Variants in KCNJ6 observed in about 807,000 individuals in gnomAD.
KCNJ6 encodes the protein G protein-activated inward rectifier potassium channel 2.
A neutral mutation model predicts 34.2 loss-of-function variants in KCNJ6; 9 were observed. The ratio of observed to expected loss-of-function variants is 0.26; its 90% confidence interval spans 0.16 to 0.46. The LOEUF is 0.46. Ranked by LOEUF, KCNJ6 falls within the 20% of genes least tolerant of loss-of-function variation. KCNJ6 has a pLI of 1.00. For synonymous variants in KCNJ6, 196 were observed against 207.1 expected (o/e 0.95, Z 0.46); for missense variants, 236 against 531.3 (o/e 0.44, Z 5.46).
intron 2 of KCNJ6, among the ~76,000 whole-genome samples, chr21:37,782,540 C>G (rs2055174513): frequency 6.6e-6 from 1 of 152,184 alleles, no homozygotes; most frequent in Non-Finnish European, 1.5e-5. Context: ...GGCTGGTTCC[C>G]CCGTGTGGCT....
Position 37,618,666 on chromosome 21 carries a change from C to G in KCNJ6, c.*6493G>C, listed in dbSNP as rs1243166260. On this transcript the variant is annotated 3_prime_UTR_variant, in exon 4 of 4. Coordinates refer to ENST00000609713, the MANE Select transcript of KCNJ6 (RefSeq NM_002240.5). ...TACTATGTGGCCACAATTCTCCGGCCAACCACAGTGCATGTTGGGATTTGC... is the reference window on the plus strand; with the variant it reads ...TACTATGTGGCCACAATTCTCCGGCGAACCACAGTGCATGTTGGGATTTGC... The G allele has an allele frequency of 2.0e-5, 3 of 152,140 alleles. No individual in the cohort carries two copies. The highest frequency in any genetic ancestry group is 1.5e-5 in the Non-Finnish European group (1 of 68,014). The allele number at this position is 152,140 out of a possible 1,614,324, so 9.4% of individuals were successfully genotyped here. A position where few individuals can be genotyped will look rare whatever the true frequency, so the allele number is the denominator to read the frequency against.
chr21:37,668,421 C>G (rs200908473), intron 3 of KCNJ6, among the ~76,000 whole-genome samples: 1 of 151,510 alleles, frequency 6.6e-6, no homozygotes, highest in Non-Finnish European at 1.5e-5. Flanking sequence ...AGGGTCACCC[C>G]TCTGTGTGTG....
intron 2 of KCNJ6, among the ~76,000 whole-genome samples, chr21:37,780,629 A>G (rs757163959): frequency 6.6e-6 from 1 of 152,178 alleles, no homozygotes; most frequent in Non-Finnish European, 1.5e-5. Context: ...TTTCTACTCA[A>G]TGTTTCCATA....
intron 3 of KCNJ6, among the ~76,000 whole-genome samples, chr21:37,712,812 C>T (rs907863508): frequency 3.2e-4 from 47 of 149,070 alleles, no homozygotes; most frequent in African/African-American, 1.1e-3. Context: ...TTCCTCCTCC[C>T]CACCCAACTA....
At chr21:37,831,632 G>A (rs2055426430) in intron 2 of KCNJ6, among the ~76,000 whole-genome samples, 1 of 152,208 alleles carries the variant, frequency 6.6e-6, no homozygotes, top group South Asian at 2.1e-4. Flanking sequence ...GAAGTACATG[G>A]CAGAAGCTCT....
intron 2 of KCNJ6, among the ~76,000 whole-genome samples, chr21:37,805,546 G>A (rs922337380): frequency 1.3e-5 from 2 of 151,800 alleles, no homozygotes; most frequent in Non-Finnish European, 2.9e-5. Flanking sequence ...CTGCCTTTCT[G>A]GCCATGAGCC....
intron 3 of KCNJ6, among the ~76,000 whole-genome samples, chr21:37,707,356 C>T (rs2054725555): frequency 6.6e-6 from 1 of 152,146 alleles, no homozygotes; most frequent in Non-Finnish European, 1.5e-5. Context: ...TGTTTTTTGC[C>T]TGTGTGGTCT....
chr21:37,862,748 A>C (rs752209799), intron 1 of KCNJ6, among the ~76,000 whole-genome samples: 2 of 152,226 alleles, frequency 1.3e-5, no homozygotes, highest in Non-Finnish European at 2.9e-5. Flanking sequence ...TTTGTAAAAG[A>C]GTACAATGCC....
At chr21:37,893,192 CTT>C (rs1195366346) in intron 1 of KCNJ6, among the ~76,000 whole-genome samples, 1 of 150,882 alleles carries the variant, frequency 6.6e-6, no homozygotes, top group African/African-American at 2.4e-5. Context: ...CCTGGGTACC[CTT>C]TTGAATGTTC....
chr21:37,879,714 AGTGTGTGTGT>A lies in KCNJ6; in HGVS notation c.-28+36160_-28+36169del, dbSNP rs56736533. Among the ~76,000 whole-genome samples the A allele has an allele frequency of 4.1e-3, 590 of 143,202 alleles. 2 individuals carry two copies. Among genetic ancestry groups the A allele is most frequent in the South Asian group, 0.011 (49 of 4,324 alleles). The allele number at this position is 143,202 out of a possible 152,430, so 93.9% of individuals were successfully genotyped here. ...AAACTCAATGTCTGCCTTGAAATGA[AGTGTGTGTGT>A]GTGTGTGTGTGTGTGTGTGTGTGTG... On this transcript the variant is annotated intron_variant, in intron 1 of 3. Coordinates refer to ENST00000609713, the MANE Select transcript of KCNJ6 (RefSeq NM_002240.5).
At chr21:37,778,096 T>C (rs559982898) in intron 2 of KCNJ6, among the ~76,000 whole-genome samples, 2 of 152,280 alleles carry the variant, frequency 1.3e-5, no homozygotes, top group African/African-American at 4.8e-5. Context: ...GGCATTCTGC[T>C]TTTTTTCCAT....
chr21:37,689,712 T>C (rs896424794), intron 3 of KCNJ6, among the ~76,000 whole-genome samples: 2 of 152,198 alleles, frequency 1.3e-5, no homozygotes, highest in Admixed American at 6.5e-5. Context: ...CATGCCGGGC[T>C]ATGTTTATGT....
chr21:37,881,825 G>C (rs148742075), intron 1 of KCNJ6, among the ~76,000 whole-genome samples: 3 of 152,114 alleles, frequency 2.0e-5, no homozygotes, highest in Admixed American at 2.0e-4. Context: ...AAACCTTGTG[G>C]GGACATGAAC....
At chr21:37,828,011 C>T (rs1203568280) in intron 2 of KCNJ6, among the ~76,000 whole-genome samples, 1 of 152,164 alleles carries the variant, frequency 6.6e-6, no homozygotes, top group East Asian at 1.9e-4. Flanking sequence ...GTTAGATCAG[C>T]TCTGTCTGTC....
intron 3 of KCNJ6, among the ~76,000 whole-genome samples, chr21:37,701,363 G>A (rs1215137243): frequency 1.3e-5 from 2 of 151,802 alleles, no homozygotes; most frequent in African/African-American, 4.8e-5. Flanking sequence ...GAAGGTAGAG[G>A]CTTCAGGTTT....
chr21:37,624,634 T>G lies in KCNJ6; in HGVS notation c.*525A>C, dbSNP rs1172528693. ...AAAATAATTACATAAGGCATATATA[T>G]GTACAGTGGTTTGTCTTCAGCTCAC... On this transcript the variant is annotated 3_prime_UTR_variant, in exon 4 of 4. Transcript: ENST00000609713. 1 of 157,914 alleles carries G rather than the reference T, an allele frequency of 6.3e-6. No individual in the cohort carries two copies. Among genetic ancestry groups the G allele is most frequent in the African/African-American group, 2.4e-5 (1 of 41,472 alleles). 9.8% of individuals were successfully genotyped at this position (157,914 alleles called of 1,614,324 possible).
chr21:37,756,044 G>C (rs1490311975), intron 2 of KCNJ6, among the ~76,000 whole-genome samples: 2 of 152,220 alleles, frequency 1.3e-5, no homozygotes, highest in Admixed American at 1.3e-4. Context: ...GCTCTTCCAG[G>C]TTCTGTGGAT....
At chr21:37,791,229 A>T (rs766636654) in intron 2 of KCNJ6, among the ~76,000 whole-genome samples, 1 of 152,126 alleles carries the variant, frequency 6.6e-6, no homozygotes, top group Non-Finnish European at 1.5e-5. Context: ...TTAACCTTAC[A>T]TTTGGGGGCA....
At chr21:37,845,467 A>G (rs1382835298) in intron 1 of KCNJ6, among the ~76,000 whole-genome samples, 1 of 152,004 alleles carries the variant, frequency 6.6e-6, no homozygotes, top group Admixed American at 6.6e-5. Flanking sequence ...TCATGGTTTT[A>G]CCACTTCTTA....
Sources: allele counts gnomAD v4.1 joint callset (sites outside exome capture counted in the v4.1 genomes callset), GRCh38; gene constraint gnomAD v4.1.1; transcripts MANE v1.5; gene names NCBI Gene and HGNC (gene_info 2026-07-23, HGNC 2026-07-21).